PRH1: variants seen among roughly 807,000 people sequenced by gnomAD.
The protein encoded by PRH1 is salivary acidic proline-rich phosphoprotein 1/2.
In PRH1, 7 loss-of-function variants were observed where a neutral mutation model predicts 7.9. The ratio of observed to expected loss-of-function variants is 0.89; its 90% confidence interval spans 0.50 to 1.67. The LOEUF (loss-of-function observed/expected upper bound fraction) is 1.67, where lower values mean the gene tolerates loss of function less well. PRH1 is among the 40% of genes most tolerant of loss of function. The pLI is 0.00. For synonymous variants in PRH1, 45 were observed against 80.8 expected (o/e 0.56, Z 2.38); for missense variants, 109 against 223.6 (o/e 0.49, Z 3.27).
chr12:11,062,882 T>A (rs1001935966), intron 1 of PRH1, among the ~76,000 whole-genome samples: 2 of 152,096 alleles, frequency 1.3e-5, no homozygotes, highest in Non-Finnish European at 2.9e-5. Context: ...AACCTCAGAA[T>A]CTGGTTGCTG....
chr12:11,166,793 G>A (rs546158268), intron 1 of PRH1, among the ~76,000 whole-genome samples: 46 of 152,158 alleles, frequency 3.0e-4, no homozygotes, highest in Non-Finnish European at 5.0e-4. Flanking sequence ...CAGAAGTCTG[G>A]TATTTGTCTT....
rs534387616 is a variant in PRH1 at position 11,037,912 on chromosome 12, C to T, written c.-126+9108G>A. ...AAAAAATCAGCAGGGTGTGGTGGTG[C>T]ACACCTGTTGTCCTAGATATTCAGG... On this transcript the variant is annotated intron_variant, in intron 1 of 3. Transcript: ENST00000539853. Among the ~76,000 whole-genome samples the T allele has an allele frequency of 4.9e-4, 74 of 152,222 alleles. No homozygotes were observed. In the South Asian group the frequency reaches 0.012, roughly 25 times the overall value.
At chr12:10,985,923 T>C (rs577290047) in intron 1 of PRH1, 3 of 1,556,288 alleles carry the variant, frequency 1.9e-6, no homozygotes, top group East Asian at 4.5e-5. Context: ...AATGTCCCAC[T>C]TGTGAATCTA....
intron 2 of PRH1, among the ~76,000 whole-genome samples, chr12:10,907,018 G>A (rs1374933256): frequency 6.6e-6 from 1 of 152,200 alleles, no homozygotes; most frequent in African/African-American, 2.4e-5. Context: ...TTAGGAAAAT[G>A]TGAATTAAAA....
chr12:10,995,922 A>G (rs1255562469), intron 1 of PRH1, among the ~76,000 whole-genome samples: 4 of 152,122 alleles, frequency 2.6e-5, no homozygotes, highest in Non-Finnish European at 5.9e-5. Flanking sequence ...AATATTCCTC[A>G]GTATTGCTTT....
At chr12:11,127,968 GGC>G (rs748839165) in intron 1 of PRH1, among the ~76,000 whole-genome samples, 20 of 152,078 alleles carry the variant, frequency 1.3e-4, no homozygotes, top group Non-Finnish European at 2.5e-4. Flanking sequence ...AAGTTAGCCG[GGC>G]ATGGTGGCAG....
intron 1 of PRH1, among the ~76,000 whole-genome samples, chr12:11,102,331 G>A (rs1392124481): frequency 6.6e-6 from 1 of 152,116 alleles, no homozygotes; most frequent in African/African-American, 2.4e-5. Flanking sequence ...CATGGTGCTG[G>A]TACCAAAACA....
intron 2 of PRH1, among the ~76,000 whole-genome samples, chr12:10,955,406 C>T (rs1012501378): frequency 3.3e-5 from 5 of 152,060 alleles, no homozygotes; most frequent in African/African-American, 1.2e-4. Context: ...ATACAACATA[C>T]CAGAATCTCT....
exon 1 of PRH1, chr12:11,171,434 C>T (rs1172891875): frequency 8.1e-6 from 10 of 1,231,970 alleles, no homozygotes; most frequent in East Asian, 3.2e-5. Flanking sequence ...CGTACGGCGT[C>T]TTCTGCAAGG....
intron 1 of PRH1, chr12:11,134,045 T>C (rs370843717): frequency 8.1e-6 from 13 of 1,614,128 alleles, no homozygotes; most frequent in Non-Finnish European, 1.1e-5. Context: ...CTGAGTTGCA[T>C]ACCAATGTAG....
intron 1 of PRH1, among the ~76,000 whole-genome samples, chr12:11,000,200 T>G (rs1467313535): frequency 1.3e-5 from 2 of 152,150 alleles, no homozygotes; most frequent in East Asian, 3.9e-4. Context: ...ATCTTATCAA[T>G]AATATATTTA....
chr12:10,906,782 A>G (rs1949810989), intron 2 of PRH1, among the ~76,000 whole-genome samples: 1 of 152,192 alleles, frequency 6.6e-6, no homozygotes, highest in South Asian at 2.1e-4. Context: ...CAGTCAATTA[A>G]ACCTCTTTTT....
chr12:11,143,524 T>C (rs542963661), intron 1 of PRH1, among the ~76,000 whole-genome samples: 4 of 152,146 alleles, frequency 2.6e-5, no homozygotes, highest in South Asian at 2.1e-4. Flanking sequence ...AATAATAACA[T>C]TGAATGTAAA....
At chr12:10,956,766 G>A (rs1426863976) in intron 2 of PRH1, among the ~76,000 whole-genome samples, 2 of 151,394 alleles carry the variant, frequency 1.3e-5, no homozygotes, top group South Asian at 4.2e-4. Flanking sequence ...CATTCCTATA[G>A]CAACAAAATT....
At chr12:11,109,250 G>T (rs530604783) in intron 1 of PRH1, among the ~76,000 whole-genome samples, 32 of 152,272 alleles carry the variant, frequency 2.1e-4, no homozygotes, top group African/African-American at 7.7e-4. Flanking sequence ...AGCATCAGCA[G>T]ACATAAACTT....
chr12:10,893,996 G>A (rs1949611503), intron 2 of PRH1, among the ~76,000 whole-genome samples: 1 of 151,854 alleles, frequency 6.6e-6, no homozygotes, highest in African/African-American at 2.4e-5. Context: ...TCTGTAAACT[G>A]ATTGGTTATC....
chr12:11,098,538 T>A (rs1463396533), intron 1 of PRH1, among the ~76,000 whole-genome samples: 1 of 152,214 alleles, frequency 6.6e-6, no homozygotes, highest in Non-Finnish European at 1.5e-5. Context: ...GTGTAACCTC[T>A]CCATCATTTG....
At chr12:10,885,912 T>C (rs1949485032), upstream of PRH1, among the ~76,000 whole-genome samples, 1 of 152,196 alleles carries the variant, frequency 6.6e-6, no homozygotes, top group African/African-American at 2.4e-5. Context: ...TTCTGAAAAG[T>C]TGCAGATAAT....
upstream of PRH1, among the ~76,000 whole-genome samples, chr12:11,050,917 A>T (rs868834832): frequency 2.6e-5 from 4 of 152,292 alleles, no homozygotes; most frequent in African/African-American, 7.2e-5. Context: ...AAACTAATGG[A>T]GTCAGAATGC....
Sources: allele counts gnomAD v4.1 joint callset (sites outside exome capture counted in the v4.1 genomes callset), GRCh38; gene constraint gnomAD v4.1.1; transcripts MANE v1.5; gene names NCBI Gene and HGNC (gene_info 2026-07-23, HGNC 2026-07-21).